The following BBOX1 variants were observed in gnomAD, a reference collection of about 807,000 sequenced individuals.
The protein encoded by BBOX1 is gamma-butyrobetaine dioxygenase.
BBOX1 carries 35 observed loss-of-function variants against 41.6 expected under a neutral mutation model. That is an observed-to-expected ratio of 0.84 (90% CI 0.64 to 1.11). The LOEUF (loss-of-function observed/expected upper bound fraction) is 1.11. Among genes scored for constraint, BBOX1 ranks in the 50% most tolerant of loss-of-function variants. BBOX1 has a pLI of 0.00. For synonymous variants in BBOX1, 163 were observed against 154.7 expected, an observed-to-expected ratio of 1.05 and a Z score of -0.40; for missense variants, 458 against 460.6, an observed-to-expected ratio of 0.99 and a Z score of 0.05.
At position 27,073,592 on chromosome 11, in the gene BBOX1, G is replaced by A. The variant is rs898390250; in HGVS notation, c.334+16277G>A. Among the ~76,000 whole-genome samples, 32 of 150,932 alleles carry A rather than the reference G, an allele frequency of 2.1e-4. 1 individual carries two copies. Among genetic ancestry groups the A allele is most frequent in the African/African-American group, 6.7e-4 (27 of 40,266 alleles). On this transcript the variant is annotated intron_variant, in intron 4 of 8. Coordinates refer to ENST00000263182, the MANE Select transcript of BBOX1 (RefSeq NM_003986.3). ...TACCCAAAGGATTATAAATCATGCT[G>A]CTATAAAGATAAATGCACACGTATG...
intron 4 of BBOX1, among the ~76,000 whole-genome samples, chr11:27,061,379 T>C (rs1472376654): frequency 6.6e-6 from 1 of 152,218 alleles, no homozygotes; most frequent in East Asian, 1.9e-4. Flanking sequence ...CTGGAAAATA[T>C]TTTAATAGTT....
rs1214671802 is a variant in BBOX1 at position 27,093,335 on chromosome 11, A to G, written c.502A>G (p.Arg168Gly). The G allele has an allele frequency of 1.9e-6, 3 of 1,612,288 alleles. No homozygotes were observed. The highest frequency in any genetic ancestry group is 2.5e-6 in the Non-Finnish European group (3 of 1,178,946). The change falls in exon 5 of 9, where the codon AGG (arginine) becomes GGG (glycine). Residue 168 changes from arginine to glycine, a missense_variant. Transcript: ENST00000263182. ...AGGAGAAGTTTCAAAACTTGGGAAA[A>G]GGATGGGTTTCCTCTATCTCACATT... ...KPGEVSKLGK[R>G]MGFLYLTFYG...
intron 4 of BBOX1, among the ~76,000 whole-genome samples, chr11:27,080,329 C>T (rs1429722020): frequency 6.6e-6 from 1 of 152,046 alleles, no homozygotes; most frequent in African/African-American, 2.4e-5. Context: ...CTGTCACTAC[C>T]ATTACTACAC....
intron 4 of BBOX1, among the ~76,000 whole-genome samples, chr11:27,090,468 T>C (rs1286562875): frequency 2.6e-5 from 4 of 151,702 alleles, no homozygotes; most frequent in Non-Finnish European, 4.4e-5. Flanking sequence ...GCAGAACTAC[T>C]AGTAAGGGTC....
chr11:27,099,882 T>C (rs530496606), intron 5 of BBOX1, among the ~76,000 whole-genome samples: 1 of 152,248 alleles, frequency 6.6e-6, no homozygotes, highest in East Asian at 1.9e-4. Context: ...GTGTTATATC[T>C]TCATGAGTTC....
rs1858521309 is a variant in BBOX1 at position 27,098,331 on chromosome 11, G to A, written c.533+4965G>A. 2.0e-5 allele frequency among the ~76,000 whole-genome samples: 3 copies of A among 151,768 alleles called. No individual in the cohort carries two copies. The South Asian group carries it at 6.2e-4, about 32-fold the overall frequency. On this transcript the variant is annotated intron_variant, in intron 5 of 8. Transcript: ENST00000263182. ...ACCAGTACCTCATCCCCAAGCCCTG[G>A]CATTATAATAAACCAAAATAATTAT...
At chr11:27,067,655 C>G (rs940431221) in intron 4 of BBOX1, among the ~76,000 whole-genome samples, 1 of 69,182 alleles carries the variant, frequency 1.4e-5, no homozygotes, top group Non-Finnish European at 3.5e-5. Context: ...GCTTGAACCC[C>G]GAGGCTGAGA....
intron 2 of BBOX1, chr11:27,047,438 C>A (rs1851520181): frequency 6.6e-6 from 1 of 152,124 alleles, no homozygotes; most frequent in Non-Finnish European, 1.5e-5. Context: ...GTGACATGGG[C>A]ACACCACCAT....
At chr11:27,046,866 T>C (rs1851501000) in intron 2 of BBOX1, among the ~76,000 whole-genome samples, 1 of 151,990 alleles carries the variant, frequency 6.6e-6, no homozygotes, top group Non-Finnish European at 1.5e-5. Context: ...CATGTTAACA[T>C]ACAAGCTATA....
chr11:27,126,564 G>A (rs1224652841), intron 8 of BBOX1, among the ~76,000 whole-genome samples: 1 of 152,004 alleles, frequency 6.6e-6, no homozygotes, highest in Non-Finnish European at 1.5e-5. Flanking sequence ...TTCTTATGAG[G>A]CTTAGAAATA....
intron 6 of BBOX1, among the ~76,000 whole-genome samples, chr11:27,119,165 T>C (rs1859372913): frequency 1.3e-5 from 2 of 152,080 alleles, no homozygotes; most frequent in African/African-American, 4.8e-5. Flanking sequence ...TATTACCCAG[T>C]GAACTGTGCA....
rs554189393 is a variant in BBOX1, at chr11:27,076,323, G to A, written c.335-16845G>A. 4.3e-4 allele frequency among the ~76,000 whole-genome samples: 66 copies of A among 152,310 alleles called. No individual in the cohort carries two copies. The South Asian group carries it at 0.013, about 29-fold the overall frequency. ...TTCCTTGGTTATAAATAACCTTAGT[G>A]TGTTGGCTTTCTCAAATGCTGGCTG... On this transcript the variant is annotated intron_variant, in intron 4 of 8. Transcript: ENST00000263182.
chr11:27,076,944 A>C (rs1857652189), intron 4 of BBOX1, among the ~76,000 whole-genome samples: 1 of 152,092 alleles, frequency 6.6e-6, no homozygotes, highest in Non-Finnish European at 1.5e-5. Context: ...CAGCTAGCTA[A>C]GTCCTAAGCA....
chr11:27,125,848 C>T (rs1564994749), intron 8 of BBOX1, 28 bp downstream of exon 8: 1 of 1,590,012 alleles, frequency 6.3e-7, no homozygotes, highest in Admixed American at 1.8e-5. Flanking sequence ...CTCAAATAAC[C>T]AAAAGCATGG....
intron 3 of BBOX1, among the ~76,000 whole-genome samples, chr11:27,056,446 C>T (rs995880212): frequency 2.0e-5 from 3 of 152,002 alleles, no homozygotes; most frequent in Admixed American, 6.5e-5. Flanking sequence ...TTAGTAAAGA[C>T]GGGGTTTCAC....
At chr11:27,106,903 ACAAT>A (rs1322551273) in intron 5 of BBOX1, among the ~76,000 whole-genome samples, 2 of 152,100 alleles carry the variant, frequency 1.3e-5, no homozygotes, top group Non-Finnish European at 2.9e-5. Context: ...AGACCACAGT[ACAAT>A]CAAACTAGAA....
chr11:27,075,930 G>A (rs1486438207), intron 4 of BBOX1, among the ~76,000 whole-genome samples: 1 of 152,156 alleles, frequency 6.6e-6, no homozygotes, highest in Non-Finnish European at 1.5e-5. Flanking sequence ...TGACAGTTGG[G>A]GCAGAGCTGC....
In BBOX1 at chr11:27,085,879, C is replaced by A. The variant is rs557227272; in HGVS notation, c.335-7289C>A. Reference sequence around the variant, plus strand: ...AGTAAACACACAAATGATAAGAAAGCAAAACAGCCTTACTGCTGATGTGGA... The same window carrying A: ...AGTAAACACACAAATGATAAGAAAGAAAAACAGCCTTACTGCTGATGTGGA... On this transcript the variant is annotated intron_variant, in intron 4 of 8. Transcript: ENST00000263182. 6.3e-3 allele frequency among the ~76,000 whole-genome samples: 953 copies of A among 152,112 alleles called. 14 individuals are homozygous for A. The highest frequency in any genetic ancestry group is 0.022 in the African/African-American group (901 of 41,528).
intron 4 of BBOX1, among the ~76,000 whole-genome samples, chr11:27,070,355 G>T (rs766416031): frequency 3.6e-4 from 54 of 151,996 alleles, no homozygotes; most frequent in Non-Finnish European, 6.2e-4. Context: ...TGTCAGTGGG[G>T]TATCGAAGTT....
Sources: allele counts gnomAD v4.1 joint callset (sites outside exome capture counted in the v4.1 genomes callset), GRCh38; gene constraint gnomAD v4.1.1; transcripts MANE v1.5; gene names NCBI Gene and HGNC (gene_info 2026-07-23, HGNC 2026-07-21).